The following MAML2 variants were observed in gnomAD, a reference collection of about 807,000 sequenced individuals.
The protein encoded by MAML2 is mastermind like transcriptional coactivator 2.
A neutral mutation model predicts 96.1 loss-of-function variants in MAML2; 22 were observed. The ratio of observed to expected loss-of-function variants is 0.23; its 90% CI spans 0.16 to 0.33. MAML2 has a LOEUF of 0.33. MAML2 is among the 10% of genes least tolerant of loss of function. MAML2 has a pLI of 1.00. For synonymous variants in MAML2, 561 were observed against 521.3 expected (o/e 1.08, Z -1.04); for missense variants, 1,367 against 1,392.4 (o/e 0.98, Z 0.29).
At chr11:96,208,484 G>A (rs1861924867) in intron 1 of MAML2, among the ~76,000 whole-genome samples, 1 of 152,070 alleles carries the variant, frequency 6.6e-6, no homozygotes, top group Non-Finnish European at 1.5e-5. Flanking sequence ...AGTTGTTACA[G>A]TCACTTGAGG....
chr11:96,338,897 C>A (rs79068896), intron 1 of MAML2, among the ~76,000 whole-genome samples: 2,380 of 152,248 alleles, frequency 0.016, 73 homozygotes, highest in African/African-American at 0.054. Flanking sequence ...GTGAGACCTG[C>A]CAATGTAATG....
intron 1 of MAML2, among the ~76,000 whole-genome samples, chr11:96,253,650 C>A (rs1438754590): frequency 6.6e-6 from 1 of 152,146 alleles, no homozygotes; most frequent in Non-Finnish European, 1.5e-5. Context: ...GAGAGAGAAA[C>A]CCCATTTTCC....
At chr11:96,154,141 CT>C (rs955019846) in intron 1 of MAML2, among the ~76,000 whole-genome samples, 6 of 152,052 alleles carry the variant, frequency 3.9e-5, no homozygotes, top group African/African-American at 9.7e-5. Context: ...TCAAACTGAA[CT>C]TTAACAAAGA....
intron 1 of MAML2, among the ~76,000 whole-genome samples, chr11:96,184,053 A>T (rs1861533721): frequency 6.6e-6 from 1 of 152,188 alleles, no homozygotes; most frequent in Non-Finnish European, 1.5e-5. Flanking sequence ...GAGATTATGC[A>T]CTCAGTTCTG....
chr11:96,098,498 A>G (rs1261282770), intron 1 of MAML2, among the ~76,000 whole-genome samples: 2 of 152,086 alleles, frequency 1.3e-5, no homozygotes, highest in African/African-American at 4.8e-5. Flanking sequence ...ATTTAATATC[A>G]CCCTTTCACT....
chr11:96,160,574 C>T (rs987369129), intron 1 of MAML2, among the ~76,000 whole-genome samples: 2 of 152,026 alleles, frequency 1.3e-5, no homozygotes, highest in Admixed American at 1.3e-4. Flanking sequence ...ATTACAGGCG[C>T]CTGCCACTAT....
At chr11:96,332,131 A>G (rs971892616) in intron 1 of MAML2, among the ~76,000 whole-genome samples, 4 of 152,178 alleles carry the variant, frequency 2.6e-5, no homozygotes, top group Admixed American at 2.0e-4. Flanking sequence ...TTCATTTATT[A>G]TATGCTAAAG....
At chr11:96,090,868 T>C (rs937411678) in intron 2 of MAML2, among the ~76,000 whole-genome samples, 3 of 152,230 alleles carry the variant, frequency 2.0e-5, no homozygotes, top group Non-Finnish European at 4.4e-5. Context: ...AGGAATGTTA[T>C]TGGAATTAGG....
chr11:96,271,034 C>G (rs1211146422), intron 1 of MAML2, among the ~76,000 whole-genome samples: 1 of 152,186 alleles, frequency 6.6e-6, no homozygotes, highest in Non-Finnish European at 1.5e-5. Context: ...GAACATCAGA[C>G]TCCAAATTCT....
chr11:95,979,489 T>A lies in MAML2; in HGVS notation c.2930A>T (p.Glu977Val). ...GCGGACTCCTGCAGACGTCAGGGCT[T>A]CTTGCTGTTTGCTTGTTCCTTCTTG... ...ASQEGTSKQQEALTSAGVRFP... is the reference protein window; with the variant it reads ...ASQEGTSKQQVALTSAGVRFP... The change falls in exon 5 of 5, where the codon GAA (glutamate) becomes GTA (valine). Residue 977 changes from glutamate to valine, a missense_variant. Physicochemically the swap from Glu to Val is moderately radical, Grantham distance 121. Transcript: ENST00000524717. The A allele has an allele frequency of 2.5e-6, 4 of 1,613,712 alleles. No homozygotes were observed. Among genetic ancestry groups the A allele is most frequent in the Non-Finnish European group, 3.4e-6 (4 of 1,179,784 alleles).
chr11:96,115,169 T>C (rs1214259198), intron 1 of MAML2, among the ~76,000 whole-genome samples: 3 of 151,804 alleles, frequency 2.0e-5, no homozygotes, highest in Non-Finnish European at 4.4e-5. Flanking sequence ...TTTTGCTTTT[T>C]TTTTTTTCTG....
At chr11:96,137,060 T>G (rs1860646278) in intron 1 of MAML2, among the ~76,000 whole-genome samples, 1 of 152,186 alleles carries the variant, frequency 6.6e-6, no homozygotes, top group Non-Finnish European at 1.5e-5. Context: ...CAATTCTCTT[T>G]CAGTGTCGTC....
chr11:96,070,869 G>A (rs1859334061), intron 2 of MAML2, among the ~76,000 whole-genome samples: 1 of 152,260 alleles, frequency 6.6e-6, no homozygotes, highest in Non-Finnish European at 1.5e-5. Context: ...GTTCAGTGCA[G>A]GCAGCAAATA....
intron 2 of MAML2, among the ~76,000 whole-genome samples, chr11:96,081,572 TCA>T (rs1418769378): frequency 6.6e-6 from 1 of 152,222 alleles, no homozygotes; most frequent in Non-Finnish European, 1.5e-5. Flanking sequence ...GCTTGGAAAC[TCA>T]GAGTTAAATG....
chr11:96,091,174 T>C (rs1420640821), intron 2 of MAML2, among the ~76,000 whole-genome samples: 1 of 152,204 alleles, frequency 6.6e-6, no homozygotes, highest in Non-Finnish European at 1.5e-5. Context: ...TTTTTATCTG[T>C]AGTCGTGATA....
chr11:96,138,581 C>T (rs376010818), intron 1 of MAML2, among the ~76,000 whole-genome samples: 1 of 152,102 alleles, frequency 6.6e-6, no homozygotes, highest in Non-Finnish European at 1.5e-5. Flanking sequence ...GTTTTCCTTA[C>T]CCCCAAGTGG....
intron 1 of MAML2, among the ~76,000 whole-genome samples, chr11:96,290,183 T>A (rs1863190014): frequency 6.6e-6 from 1 of 152,160 alleles, no homozygotes; most frequent in African/African-American, 2.4e-5. Context: ...CACTTAATGG[T>A]CTTCATTCTC....
chr11:96,001,854 C>T (rs1858083149), intron 2 of MAML2, among the ~76,000 whole-genome samples: 1 of 152,182 alleles, frequency 6.6e-6, no homozygotes, highest in South Asian at 2.1e-4. Flanking sequence ...ATCCTTTCCT[C>T]ACCCTATACA....
chr11:96,276,532 C>A (rs2135982960), intron 1 of MAML2, among the ~76,000 whole-genome samples: 1 of 152,240 alleles, frequency 6.6e-6, no homozygotes, highest in South Asian at 2.1e-4. Flanking sequence ...GAGAGTGACA[C>A]CTTAGGGTCA....
Sources: allele counts gnomAD v4.1 joint callset (sites outside exome capture counted in the v4.1 genomes callset), GRCh38; gene constraint gnomAD v4.1.1; transcripts MANE v1.5; gene names NCBI Gene and HGNC (gene_info 2026-07-23, HGNC 2026-07-21).